The following LTBP2 variants were observed in gnomAD, a reference collection of about 807,000 sequenced individuals.
LTBP2 encodes the protein latent-transforming growth factor beta-binding protein 2.
A neutral mutation model predicts 210.6 loss-of-function variants in LTBP2; 103 were observed. That is an observed-to-expected ratio of 0.49 (90% CI 0.42 to 0.58). The LOEUF (loss-of-function observed/expected upper bound fraction) is 0.58, where lower values mean the gene tolerates loss of function less well. LTBP2 is among the 20% of genes least tolerant of loss of function. The pLI is 0.00. For synonymous variants in LTBP2, 1,007 were observed against 1,015.0 expected, an observed-to-expected ratio of 0.99 and a Z score of 0.15; for missense variants, 2,313 against 2,494.5, an observed-to-expected ratio of 0.93 and a Z score of 1.55.
At chr14:74,509,021 A>T in intron 22 of LTBP2, 69 bp from the exon 23 acceptor site, 10 of 1,603,010 alleles carry the variant, frequency 6.2e-6, no homozygotes, top group African/African-American at 1.3e-5. Flanking sequence ...TCAAGGGGGA[A>T]GTCTCCAGAG....
At chr14:74,539,475 G>A (rs1328386400) in intron 8 of LTBP2, among the ~76,000 whole-genome samples, 1 of 152,192 alleles carries the variant, frequency 6.6e-6, no homozygotes, top group Non-Finnish European at 1.5e-5. Flanking sequence ...GGGAGGCCGA[G>A]GCAGGAGTGT....
intron 2 of LTBP2, among the ~76,000 whole-genome samples, chr14:74,591,630 C>T (rs911687123): frequency 6.6e-5 from 10 of 152,206 alleles, no homozygotes; most frequent in Admixed American, 2.6e-4. Flanking sequence ...GGCTTCCTCA[C>T]GGAAATTAAG....
intron 8 of LTBP2, among the ~76,000 whole-genome samples, chr14:74,541,631 G>C (rs1040802837): frequency 1.3e-5 from 2 of 152,110 alleles, no homozygotes; most frequent in African/African-American, 4.8e-5. Context: ...AAATAAATTT[G>C]TGAAAAGCCT....
intron 13 of LTBP2, 61 bp from the exon 14 acceptor site, chr14:74,526,175 T>C (rs1181250328): frequency 2.0e-6 from 3 of 1,519,052 alleles, no homozygotes; most frequent in Non-Finnish European, 2.7e-6. Context: ...ATGTGCCACC[T>C]TCCACCACAC....
At chr14:74,564,151 TTA>T (rs1269330827) in intron 3 of LTBP2, among the ~76,000 whole-genome samples, 9 of 8,804 alleles carry the variant, frequency 1.0e-3, no homozygotes, top group South Asian at 2.3e-3. Context: ...ATATATATAT[TTA>T]TATATATATT....
intron 3 of LTBP2, among the ~76,000 whole-genome samples, chr14:74,582,020 T>G (rs1456010167): frequency 1.6e-5 from 2 of 123,866 alleles, no homozygotes; most frequent in African/African-American, 7.6e-5. Flanking sequence ...AGGGTTGTTG[T>G]TTTTTTTTTT....
intron 22 of LTBP2, 75 bp downstream of exon 22, chr14:74,509,163 C>T (rs568160458): frequency 2.5e-6 from 4 of 1,607,016 alleles, no homozygotes; most frequent in Non-Finnish European, 3.4e-6. Context: ...AGCAGCCCCC[C>T]ACCTGCTGGG....
chr14:74,535,420 G>A (rs1416521034), intron 9 of LTBP2, among the ~76,000 whole-genome samples: 1 of 152,164 alleles, frequency 6.6e-6, no homozygotes, highest in Non-Finnish European at 1.5e-5. Flanking sequence ...CCTGTCCCAG[G>A]CAGGAAGCCC....
At position 74,522,902 on chromosome 14, in the gene LTBP2, A is replaced by G. The variant is rs2087226209; in HGVS notation, c.2547T>C (p.Ala849=). The G allele has an allele frequency of 6.2e-7, 1 of 1,612,284 alleles. No homozygotes were observed. The highest frequency in any genetic ancestry group is 8.5e-7 in the Non-Finnish European group (1 of 1,179,518). The change falls in exon 16 of 36, where the codon GCT becomes GCC. Residue 849 remains alanine, a synonymous_variant. Transcript: ENST00000261978. The part of the protein sequence containing the change: ...TLSTPGIDRC[A]AGATNVCGPG... ...GGCCACAGACGTTGGTGGCTCCAGC[A>G]GCGCATCTGTCAATGCCTGTGGGAG...
At chr14:74,551,650 T>C (rs567940822) in intron 6 of LTBP2, among the ~76,000 whole-genome samples, 6 of 152,250 alleles carry the variant, frequency 3.9e-5, no homozygotes, top group South Asian at 2.1e-4. Flanking sequence ...GTCTCCTGCA[T>C]GGCCCCACCT....
intron 1 of LTBP2, among the ~76,000 whole-genome samples, chr14:74,608,582 C>T (rs777004856): frequency 3.3e-5 from 5 of 151,648 alleles, no homozygotes; most frequent in Non-Finnish European, 5.9e-5. Context: ...TGGTGACGTG[C>T]GCCCATAATC....
intron 3 of LTBP2, among the ~76,000 whole-genome samples, chr14:74,567,892 C>A (rs1279462435): frequency 6.6e-6 from 1 of 152,148 alleles, no homozygotes; most frequent in Non-Finnish European, 1.5e-5. Context: ...GCCCCTGGCT[C>A]CGAGTTCCCT....
At chr14:74,556,835 T>C (rs766054489) in intron 3 of LTBP2, among the ~76,000 whole-genome samples, 10 of 152,230 alleles carry the variant, frequency 6.6e-5, no homozygotes, top group Admixed American at 2.6e-4. Context: ...AAGTTTTAAA[T>C]GTGTACATCC....
At chr14:74,507,951 G>T in intron 25 of LTBP2, 22 bp downstream of exon 25, 1 of 1,612,094 alleles carries the variant, frequency 6.2e-7, no homozygotes. Context: ...AGAGCCCTGT[G>T]CCCTCCCCCC....
intron 16 of LTBP2, 123 bp from the exon 17 acceptor site, chr14:74,522,162 G>C: frequency 8.5e-7 from 1 of 1,173,050 alleles, no homozygotes. Flanking sequence ...CAAGGAAGGG[G>C]TGAGGGAGTG....
intron 3 of LTBP2, among the ~76,000 whole-genome samples, chr14:74,585,647 A>T (rs996162130): frequency 6.6e-6 from 1 of 152,136 alleles, no homozygotes; most frequent in African/African-American, 2.4e-5. Context: ...TTCCCACCCC[A>T]GGCTGGCAAA....
At chr14:74,534,788 G>A (rs1225829161) in intron 9 of LTBP2, among the ~76,000 whole-genome samples, 1 of 152,118 alleles carries the variant, frequency 6.6e-6, no homozygotes, top group Non-Finnish European at 1.5e-5. Flanking sequence ...AGATGAGCAG[G>A]TCCCTTCGCA....
chr14:74,579,357 T>C (rs955413796), intron 3 of LTBP2, among the ~76,000 whole-genome samples: 1 of 151,972 alleles, frequency 6.6e-6, no homozygotes, highest in South Asian at 2.1e-4. Context: ...GGGAGCAGAG[T>C]CCCTGTGCTC....
chr14:74,554,238 G>A (rs957419585), intron 4 of LTBP2, among the ~76,000 whole-genome samples: 1 of 152,126 alleles, frequency 6.6e-6, no homozygotes, highest in African/African-American at 2.4e-5. Context: ...AGGAACTCAC[G>A]CCTGCAGTCC....
Sources: gnomAD v4.1 joint callset for allele counts (sites outside exome capture counted in the v4.1 genomes callset) on GRCh38, gnomAD v4.1.1 for gene constraint, MANE v1.5 for transcripts, NCBI Gene and HGNC (gene_info 2026-07-23, HGNC 2026-07-21) for gene names.